Variants in ARNT2 observed in about 807,000 individuals in gnomAD.
ARNT2 encodes aryl hydrocarbon receptor nuclear translocator 2.
A neutral mutation model predicts 91.7 loss-of-function variants in ARNT2; 36 were observed. The ratio of observed to expected loss-of-function variants is 0.39; its 90% CI spans 0.30 to 0.52. The LOEUF (loss-of-function observed/expected upper bound fraction) is 0.52, where lower values mean the gene tolerates loss of function less well. Among genes scored for constraint, ARNT2 ranks in the 20% least tolerant of loss-of-function variants. The probability of loss-of-function intolerance (pLI) is 0.72; values close to 1 mark genes in which losing one functional copy is unlikely to be tolerated. For synonymous variants in ARNT2, 365 were observed against 347.1 expected (o/e 1.05, Z -0.57); for missense variants, 775 against 939.3 (o/e 0.83, Z 2.29).
chr15:80,474,551 C>T (rs986702957), intron 4 of ARNT2, among the ~76,000 whole-genome samples: 8 of 152,196 alleles, frequency 5.3e-5, no homozygotes, highest in East Asian at 1.9e-4. Flanking sequence ...TGGGGAGACA[C>T]GTGGTCTCTT....
Position 80,514,377 on chromosome 15 carries a change from A to G in ARNT2, c.849A>G (p.Thr283=). Residue 283 remains threonine (T), a synonymous_variant, in exon 8 of 19, where the codon ACA becomes ACG. Coordinates refer to ENST00000303329, the MANE Select transcript of ARNT2 (RefSeq NM_014862.4). ...CCCAATATGCTGTGGTCCACTGTAC[A>G]GGATACATCAAGGCCTGGCCACCAG... ...GEAQYAVVHC[T]GYIKAWPPAG... is the part of the protein sequence containing the mutation. 1.9e-6 allele frequency: 3 copies of G among 1,614,238 alleles called. No individual in the cohort carries two copies. Among genetic ancestry groups the G allele is most frequent in the Admixed American group, 1.7e-5 (1 of 60,034 alleles).
chr15:80,523,071 G>A (rs1386123198), intron 8 of ARNT2, among the ~76,000 whole-genome samples: 1 of 152,098 alleles, frequency 6.6e-6, no homozygotes, highest in Admixed American at 6.6e-5. Flanking sequence ...TTAACCAGGT[G>A]CAATTCAGTA....
At chr15:80,534,783 C>A (rs1315225481) in intron 8 of ARNT2, among the ~76,000 whole-genome samples, 7 of 152,172 alleles carry the variant, frequency 4.6e-5, no homozygotes, top group Admixed American at 3.9e-4. Flanking sequence ...AATCATTATC[C>A]ATGAATACTG....
At chr15:80,513,999 A>G (rs1034080169) in intron 7 of ARNT2, 23 bp downstream of exon 7, 8 of 1,596,518 alleles carry the variant, frequency 5.0e-6, no homozygotes, top group African/African-American at 2.7e-5. Context: ...TCCGATGTAT[A>G]TTTTGGGACT....
chr15:80,591,796 G>A lies in ARNT2; in HGVS notation c.2055+92G>A, dbSNP rs959206737. 4.6e-5 allele frequency: 71 copies of A among 1,560,338 alleles called. No individual in the cohort carries two copies. The highest frequency in any genetic ancestry group is 1.1e-4 in the African/African-American group (8 of 74,024). On this transcript the variant is annotated intron_variant, in intron 18 of 18. Transcript: ENST00000303329. The surrounding 1 kb of genome is among the most constrained non-coding windows in gnomAD (Gnocchi z 5.1). ...GTCTCTGCCGCACCACCGCCTGCCC[G>A]ATAGCCGTCGTGAGTTCTGGCCCAG...
intron 8 of ARNT2, among the ~76,000 whole-genome samples, chr15:80,520,948 AC>A: frequency 6.6e-6 from 1 of 152,202 alleles, no homozygotes; most frequent in East Asian, 1.9e-4. Context: ...GACTTTGGAA[AC>A]AAAAGACATT....
chr15:80,438,342 A>C (rs1329817628), intron 1 of ARNT2, among the ~76,000 whole-genome samples: 1 of 152,162 alleles, frequency 6.6e-6, no homozygotes, highest in African/African-American at 2.4e-5. Context: ...GATTTACTAC[A>C]GATGTTATGG....
At chr15:80,562,333 A>G (rs1358670967) in intron 11 of ARNT2, among the ~76,000 whole-genome samples, 1 of 152,148 alleles carries the variant, frequency 6.6e-6, no homozygotes. Context: ...CAGAGGGACA[A>G]TCTTGTGATT....
chr15:80,507,206 G>A (rs1368839847), intron 5 of ARNT2, among the ~76,000 whole-genome samples: 1 of 152,166 alleles, frequency 6.6e-6, no homozygotes, highest in African/African-American at 2.4e-5. Context: ...GGAGGGGAGA[G>A]GGTAGAAATA....
chr15:80,407,986 GTAAT>G (rs1281220476), intron 1 of ARNT2, among the ~76,000 whole-genome samples: 1 of 145,266 alleles, frequency 6.9e-6, no homozygotes, highest in African/African-American at 2.4e-5. Flanking sequence ...TATTTGCAGA[GTAAT>G]TAATAAGGCT....
chr15:80,446,790 A>G (rs1270656759), intron 1 of ARNT2, among the ~76,000 whole-genome samples: 1 of 152,190 alleles, frequency 6.6e-6, no homozygotes, highest in Non-Finnish European at 1.5e-5. Context: ...AAATTTTATC[A>G]TTGTTCTTAA....
intron 3 of ARNT2, among the ~76,000 whole-genome samples, chr15:80,463,436 A>C (rs78736407): frequency 0.014 from 2,089 of 152,274 alleles, 47 homozygotes; most frequent in African/African-American, 0.048. Context: ...AGAATTTGGT[A>C]CAGTGTTGCT....
chr15:80,431,545 C>A (rs928879950), intron 1 of ARNT2, among the ~76,000 whole-genome samples: 1 of 152,196 alleles, frequency 6.6e-6, no homozygotes, highest in Admixed American at 6.5e-5. Context: ...CGAAGCCATT[C>A]CCGGATGGGC....
Position 80,563,135 on chromosome 15 carries a change from C to T in ARNT2, c.1212C>T (p.Arg404=), listed in dbSNP as rs1898400857. The T allele has an allele frequency of 3.1e-6, 5 of 1,614,084 alleles. No homozygotes were observed. The highest frequency in any genetic ancestry group is 2.2e-5 in the South Asian group (2 of 91,084). Reference sequence around the variant, plus strand: ...TCCTGTCGGTCATGTATCGATTTCGCACCAAGAACCGGGAGTGGATGTTGA... The same window carrying T: ...TCCTGTCGGTCATGTATCGATTTCGTACCAAGAACCGGGAGTGGATGTTGA... ...GQVLSVMYRF[R]TKNREWMLIR... The change falls in exon 12 of 19, where the codon CGC becomes CGT. Residue 404 remains arginine (R), a synonymous_variant. Coordinates refer to ENST00000303329, the MANE Select transcript of ARNT2 (RefSeq NM_014862.4).
intron 13 of ARNT2, among the ~76,000 whole-genome samples, chr15:80,574,622 G>T (rs1898636868): frequency 6.6e-6 from 1 of 152,140 alleles, no homozygotes; most frequent in South Asian, 2.1e-4. Flanking sequence ...TTCCTGTCAT[G>T]CTCTGAGCCT....
intron 1 of ARNT2, among the ~76,000 whole-genome samples, chr15:80,415,518 G>C (rs538466480): frequency 6.6e-6 from 1 of 152,208 alleles, no homozygotes; most frequent in Non-Finnish European, 1.5e-5. Context: ...GATGTGATCA[G>C]AGGTGGGTTC....
At chr15:80,417,810 C>T (rs569605687) in intron 1 of ARNT2, among the ~76,000 whole-genome samples, 5 of 152,270 alleles carry the variant, frequency 3.3e-5, no homozygotes, top group South Asian at 2.1e-4. Flanking sequence ...GTGGCTCCTC[C>T]GTTGGGTACT....
chr15:80,451,955 G>C (rs1896400218), intron 2 of ARNT2, among the ~76,000 whole-genome samples: 2 of 152,192 alleles, frequency 1.3e-5, no homozygotes, highest in South Asian at 2.1e-4. Flanking sequence ...AGCTCCTTGG[G>C]AATGCAACTG....
intron 5 of ARNT2, among the ~76,000 whole-genome samples, chr15:80,487,550 G>C (rs1308379131): frequency 1.3e-5 from 2 of 152,220 alleles, no homozygotes; most frequent in African/African-American, 4.8e-5. Context: ...CACCTGGCCC[G>C]CTCAGGCCTG....
Sources: allele counts gnomAD v4.1 joint callset (sites outside exome capture counted in the v4.1 genomes callset), GRCh38; gene constraint gnomAD v4.1.1; non-coding constraint Gnocchi (gnomAD v3.1); transcripts MANE v1.5; gene names NCBI Gene and HGNC (gene_info 2026-07-23, HGNC 2026-07-21).